Variants in NPIPB7 observed in about 807,000 individuals in gnomAD.
The protein encoded by NPIPB7 is nuclear pore complex interacting protein family member B7.
For missense variants in NPIPB7, 14 were observed against 238.5 expected (o/e 0.06, Z 6.20); for synonymous variants, 9 against 88.1 (o/e 0.10, Z 5.03).
upstream of NPIPB7, among the ~76,000 whole-genome samples, chr16:28,470,830 C>T (rs3869447): frequency 7.3e-6 from 1 of 136,838 alleles, no homozygotes; most frequent in Non-Finnish European, 1.6e-5. Flanking sequence ...ACAGGACACG[C>T]GGGGCAAGGG....
upstream of NPIPB7, among the ~76,000 whole-genome samples, chr16:28,471,792 C>T (rs2045952081): frequency 1.3e-5 from 2 of 149,016 alleles, no homozygotes; most frequent in Admixed American, 1.4e-4. Context: ...CATCTTACTG[C>T]CTGTGTGTGT....
chr16:28,464,757 G>A (rs1438868602), intron 2 of NPIPB7, among the ~76,000 whole-genome samples: 1,818 of 136,078 alleles, frequency 0.013, no homozygotes, highest in African/African-American at 0.048. Context: ...CTCCCAAAGT[G>A]CTGGGATTAC....
rs1365405361 is a variant in NPIPB7 at position 28,468,855 on chromosome 16, T to G, written c.66+1518A>C. ...ATTACCAAGGTGGAGATCATGAAAA[T>G]GGCATGAATAGTGTGGGATTTCTCT... On this transcript the variant is annotated intron_variant, in intron 1 of 6. Transcript: ENST00000452313. 3.8e-5 allele frequency among the ~76,000 whole-genome samples: 3 copies of G among 78,010 alleles called. No individual in the cohort carries two copies. The East Asian group carries it at 9.1e-4, about 24-fold the overall frequency. 51.2% of individuals were successfully genotyped at this position (78,010 alleles called of 152,430 possible).
At chr16:28,471,835 GA>G (rs2045952327), upstream of NPIPB7, among the ~76,000 whole-genome samples, 7 of 151,528 alleles carry the variant, frequency 4.6e-5, no homozygotes, top group Admixed American at 4.6e-4. Flanking sequence ...ATGAGGGGGA[GA>G]AAACCAAGTT....
chr16:28,463,661 G>A (rs1373940626), intron 2 of NPIPB7, among the ~76,000 whole-genome samples: 5 of 108,742 alleles, frequency 4.6e-5, no homozygotes, highest in African/African-American at 9.6e-5. Context: ...AGCAAGAAAA[G>A]GTTGTGGTGA....
At chr16:28,471,170 G>C (rs2141687263), upstream of NPIPB7, 1 of 419,248 alleles carries the variant, frequency 2.4e-6, no homozygotes, top group East Asian at 3.7e-5. Flanking sequence ...GGTTCCTCAA[G>C]GTCACTTTTG....
At chr16:28,463,389 TCACA>T (rs57853696) in intron 2 of NPIPB7, among the ~76,000 whole-genome samples, 1,100 of 45,780 alleles carry the variant, frequency 0.024, 4 homozygotes, top group African/African-American at 0.034. Flanking sequence ...AGACTCTGTC[TCACA>T]CACACACACA....
At chr16:28,461,699 C>G (rs2045870453) in intron 4 of NPIPB7, among the ~76,000 whole-genome samples, 1 of 150,462 alleles carries the variant, frequency 6.6e-6, no homozygotes, top group Non-Finnish European at 1.5e-5. Context: ...CCTGTAATCC[C>G]AGCACATTGG....
intron 4 of NPIPB7, among the ~76,000 whole-genome samples, chr16:28,461,277 C>G (rs1247781171): frequency 4.7e-5 from 6 of 128,568 alleles, no homozygotes; most frequent in African/African-American, 1.7e-4. Flanking sequence ...ATACCCTGGC[C>G]TTTGTAGGGA....
intron 2 of NPIPB7, among the ~76,000 whole-genome samples, chr16:28,464,853 T>G (rs1452944688): frequency 6.8e-6 from 1 of 147,672 alleles, no homozygotes; most frequent in African/African-American, 2.6e-5. Context: ...GCACATAGGA[T>G]AAAAAAAAAA....
At chr16:28,463,422 CA>C in intron 2 of NPIPB7, among the ~76,000 whole-genome samples, 1 of 116,040 alleles carries the variant, frequency 8.6e-6, no homozygotes, top group East Asian at 2.9e-4. Flanking sequence ...CACACACACA[CA>C]CACACACACA....
intron 2 of NPIPB7, among the ~76,000 whole-genome samples, chr16:28,463,722 T>C (rs1466090235): frequency 2.2e-5 from 1 of 45,722 alleles, no homozygotes; most frequent in Non-Finnish European, 5.5e-5. Context: ...ATTGAAACTC[T>C]GTCTCAAAAA....
At chr16:28,470,843 C>T (rs1402540314), upstream of NPIPB7, among the ~76,000 whole-genome samples, 16 of 129,220 alleles carry the variant, frequency 1.2e-4, no homozygotes, top group African/African-American at 2.6e-4. Context: ...GGCAAGGGAG[C>T]GTGAGGCTTA....
chr16:28,468,816 A>C (rs1386235270), intron 1 of NPIPB7, among the ~76,000 whole-genome samples: 1 of 86,254 alleles, frequency 1.2e-5, no homozygotes, highest in Non-Finnish European at 2.7e-5. Context: ...CAAAAAAAAA[A>C]AAAAAAAAAA....
At position 28,461,199 on chromosome 16, in the gene NPIPB7, G is replaced by A. The variant is rs191624890; in HGVS notation, c.545+1475C>T. ...GAGGGTCTGCCAATGAAAGCGACCCGTACTGAAATCCACTGGCTCTGGTTG... is the reference window on the plus strand; with the variant it reads ...GAGGGTCTGCCAATGAAAGCGACCCATACTGAAATCCACTGGCTCTGGTTG... On this transcript the variant is annotated intron_variant, in intron 4 of 6. Coordinates refer to ENST00000452313, the Ensembl canonical transcript of NPIPB7. Among the ~76,000 whole-genome samples the A allele has an allele frequency of 5.3e-3, 794 of 150,496 alleles. 18 individuals carry two copies. The highest frequency in any genetic ancestry group is 0.018 in the African/African-American group (744 of 40,656).
At chr16:28,462,200 A>G (rs1185404465) in intron 4 of NPIPB7, among the ~76,000 whole-genome samples, 2 of 149,750 alleles carry the variant, frequency 1.3e-5, no homozygotes, top group South Asian at 4.2e-4. Flanking sequence ...CAGGTGGATT[A>G]CCTGAGGTCA....
intron 4 of NPIPB7, among the ~76,000 whole-genome samples, chr16:28,462,120 A>AT (rs1387839901): frequency 1.4e-5 from 2 of 138,106 alleles, no homozygotes; most frequent in African/African-American, 5.2e-5. Flanking sequence ...CTATCTCAAA[A>AT]TTTAAAAAAA....
At chr16:28,464,181 GCTCT>G (rs2045890444) in intron 2 of NPIPB7, among the ~76,000 whole-genome samples, 1 of 141,520 alleles carries the variant, frequency 7.1e-6, no homozygotes, top group Non-Finnish European at 1.5e-5. Flanking sequence ...ATTACCTTCA[GCTCT>G]CTGAGTTCTA....
At chr16:28,470,588 G>T, upstream of NPIPB7, 3 of 53,102 alleles carry the variant, frequency 5.6e-5, no homozygotes, top group South Asian at 2.5e-4. Flanking sequence ...GGAGGGGAAG[G>T]GGAGGGGGAG....
Sources: allele counts gnomAD v4.1 joint callset (sites outside exome capture counted in the v4.1 genomes callset), GRCh38; gene constraint gnomAD v4.1.1; transcripts MANE v1.5; gene names NCBI Gene and HGNC (gene_info 2026-07-23, HGNC 2026-07-21).